CACNA1C: variants seen among roughly 807,000 people sequenced by gnomAD.
The protein encoded by CACNA1C is calcium voltage-gated channel subunit alpha1 C, also known as voltage-dependent L-type calcium channel subunit alpha-1C.
Under a neutral mutation model 229.0 loss-of-function variants are expected in CACNA1C, and 30 were observed. That is an observed-to-expected ratio of 0.13 (90% CI 0.10 to 0.18). The LOEUF (loss-of-function observed/expected upper bound fraction) is 0.18. Among genes scored for constraint, CACNA1C ranks in the 10% least tolerant of loss-of-function variants. CACNA1C has a pLI of 1.00. For synonymous variants in CACNA1C, 1,114 were observed against 1,132.5 expected (o/e 0.98, Z 0.33); for missense variants, 1,658 against 2,845.0 (o/e 0.58, Z 9.49).
At chr12:2,141,229 C>T (rs372557840) in intron 3 of CACNA1C, among the ~76,000 whole-genome samples, 6 of 151,142 alleles carry the variant, frequency 4.0e-5, no homozygotes, top group South Asian at 4.2e-4. Flanking sequence ...GTGAGTGTGA[C>T]GTTGGCAGGT....
intron 3 of CACNA1C, among the ~76,000 whole-genome samples, chr12:2,325,302 ACT>A (rs2096241994): frequency 1.3e-5 from 2 of 152,000 alleles, no homozygotes; most frequent in South Asian, 4.1e-4. Context: ...TATCCAAGAA[ACT>A]CTCTGATACA....
chr12:2,236,724 A>G (rs1336100252), intron 3 of CACNA1C, among the ~76,000 whole-genome samples: 1 of 152,206 alleles, frequency 6.6e-6, no homozygotes, highest in African/African-American at 2.4e-5. Context: ...CACCATGGCA[A>G]CTGCATCCTT....
Position 2,545,385 on chromosome 12 carries a change from C to T in CACNA1C, c.1391-4558C>T, listed in dbSNP as rs749039218. Among the ~76,000 whole-genome samples the T allele has an allele frequency of 3.3e-5, 5 of 152,098 alleles. No homozygotes were observed. The East Asian group carries it at 5.8e-4, about 18-fold the overall frequency. On this transcript the variant is annotated intron_variant, in intron 9 of 46. Coordinates refer to ENST00000399655, the MANE Select transcript of CACNA1C (RefSeq NM_000719.7). ...TTGATGGTGGCTCTCAATTGGTCAT[C>T]GTCAACTTCCCATGGCCTGCCATTA...
Position 2,608,185 on chromosome 12 carries a change from G to T in CACNA1C, c.3357-326G>T, listed in dbSNP as rs1272854778. The T allele has an allele frequency of 4.7e-6, 1 of 214,274 alleles. No individual in the cohort carries two copies. The highest frequency in any genetic ancestry group is 9.2e-6 in the Non-Finnish European group (1 of 108,682). 13.3% of individuals were successfully genotyped at this position (214,274 alleles called of 1,614,324 possible). ...CTCAATATTTACCAATATTTCCAGT[G>T]TTTTAAATCAATGTCCATGACTCAT... is the stretch of plus-strand genomic sequence containing the variant. On this transcript the variant is annotated intron_variant, in intron 26 of 46. Transcript: ENST00000399655. This position sits in a 1 kb window ranked among gnomAD's most constrained non-coding sequence, Gnocchi z 4.2.
intron 1 of CACNA1C, among the ~76,000 whole-genome samples, chr12:2,070,585 G>A (rs780303715): frequency 6.6e-6 from 1 of 152,176 alleles, no homozygotes; most frequent in Non-Finnish European, 1.5e-5. Flanking sequence ...TTCTTCAGCA[G>A]TTTAAAGATA....
In CACNA1C at chr12:2,633,717, G is replaced by A; in HGVS notation, c.3829-580G>A. 1 of 1,542,938 alleles carries A rather than the reference G, an allele frequency of 6.5e-7. No individual in the cohort carries two copies. The highest frequency in any genetic ancestry group is 9.0e-7 in the Non-Finnish European group (1 of 1,115,456). On this transcript the variant is annotated intron_variant, in intron 29 of 46. Transcript: ENST00000399655. This position sits in a 1 kb window ranked among gnomAD's most constrained non-coding sequence, Gnocchi z 5.8. The stretch of plus-strand genomic sequence containing the variant: ...GTCATTCTCAGTGAGACTAATGTGA[G>A]TATTACTCTGCCCTCCCCAGGAAAC...
chr12:2,287,941 A>G lies in CACNA1C; in HGVS notation c.478-161035A>G, dbSNP rs1442081734. The stretch of plus-strand genomic sequence containing the variant: ...CACATTCTCCAGGTGATTTTAACAT[A>G]TAGCTCTGGCTGAAAACGATTTCTG... On this transcript the variant is annotated intron_variant, in intron 3 of 46. Coordinates refer to ENST00000399655, the MANE Select transcript of CACNA1C (RefSeq NM_000719.7). This position sits in a 1 kb window ranked among gnomAD's most constrained non-coding sequence, Gnocchi z 4.6. The G allele has an allele frequency of 1.3e-5, 2 of 151,536 alleles. No homozygotes were observed. Among genetic ancestry groups the G allele is most frequent in the Non-Finnish European group, 2.9e-5 (2 of 67,954 alleles). 9.4% of individuals were successfully genotyped at this position (151,536 alleles called of 1,614,324 possible).
chr12:2,121,977 T>C (rs939073876), intron 3 of CACNA1C, among the ~76,000 whole-genome samples: 5 of 152,206 alleles, frequency 3.3e-5, no homozygotes, highest in African/African-American at 1.2e-4. Flanking sequence ...GGTCCTGAGA[T>C]GGCCACATGT....
chr12:2,207,220 C>T (rs545345044), intron 3 of CACNA1C, among the ~76,000 whole-genome samples: 2 of 152,320 alleles, frequency 1.3e-5, no homozygotes, highest in East Asian at 3.9e-4. Context: ...CGACCCATGA[C>T]ACACCTGGAC....
In CACNA1C at chr12:2,696,274, G is replaced by C. The variant is rs932854295; in HGVS notation, c.*5075G>C. ...TAACAAATCTGTTGCACGCTGAGAGGAGTCAGAATTAGCATTTTTCATGAA... is the reference window on the plus strand; with the variant it reads ...TAACAAATCTGTTGCACGCTGAGAGCAGTCAGAATTAGCATTTTTCATGAA... On this transcript the variant is annotated 3_prime_UTR_variant, in exon 47 of 47. Transcript: ENST00000399655. 1.3e-5 allele frequency: 2 copies of C among 152,136 alleles called. No homozygotes were observed. The highest frequency in any genetic ancestry group is 2.1e-4 in the South Asian group (1 of 4,830). The allele number at this position is 152,136 out of a possible 1,614,324, so 9.4% of individuals were successfully genotyped here.
At chr12:2,683,542 A>G (rs565933220) in intron 43 of CACNA1C, among the ~76,000 whole-genome samples, 2 of 152,176 alleles carry the variant, frequency 1.3e-5, no homozygotes, top group African/African-American at 2.4e-5. Context: ...TGTCATTTCA[A>G]TTTTGTAGAA....
intron 1 of CACNA1C, among the ~76,000 whole-genome samples, chr12:2,068,910 T>A (rs1312629559): frequency 6.6e-6 from 1 of 152,226 alleles, no homozygotes; most frequent in Non-Finnish European, 1.5e-5. Context: ...CGGAATGCAA[T>A]GTTTTCCTCT....
intron 3 of CACNA1C, among the ~76,000 whole-genome samples, chr12:2,209,787 G>C (rs936838270): frequency 1.3e-5 from 2 of 152,114 alleles, no homozygotes; most frequent in Non-Finnish European, 2.9e-5. Flanking sequence ...CTTTAAAATA[G>C]TAATTGCTTT....
chr12:2,163,981 C>T (rs753376525), intron 3 of CACNA1C, among the ~76,000 whole-genome samples: 18 of 152,136 alleles, frequency 1.2e-4, no homozygotes, highest in Non-Finnish European at 2.2e-4. Flanking sequence ...GGTTTGGCTG[C>T]GTAATTGGAA....
rs114107075 is a variant in CACNA1C, at chr12:2,100,745, G to A, written c.50-14479G>A. 4.8e-3 allele frequency among the ~76,000 whole-genome samples: 722 copies of A among 150,986 alleles called. 14 individuals carry two copies. The highest frequency in any genetic ancestry group is 5.4e-3 in the African/African-American group (223 of 41,110). ...TGCATTCCAGCCTGAGTGACAGAAC[G>A]AGACTGTCTCAAAAAAAGAAAAAAA... is the stretch of plus-strand genomic sequence containing the variant. On this transcript the variant is annotated intron_variant, in intron 1 of 46. Coordinates refer to ENST00000399655, the MANE Select transcript of CACNA1C (RefSeq NM_000719.7).
chr12:2,259,954 G>A (rs573884471), intron 3 of CACNA1C, among the ~76,000 whole-genome samples: 9 of 152,158 alleles, frequency 5.9e-5, no homozygotes, highest in South Asian at 4.2e-4. Context: ...GCTAAGTCCC[G>A]CTTTCTTGGG....
At chr12:2,579,309 A>T (rs533858024) in intron 13 of CACNA1C, among the ~76,000 whole-genome samples, 1 of 152,202 alleles carries the variant, frequency 6.6e-6, no homozygotes, top group South Asian at 2.1e-4. Flanking sequence ...CGCACAGAGG[A>T]TCTCTAGAGG....
chr12:2,514,361 AAAC>A (rs940912132), intron 9 of CACNA1C, among the ~76,000 whole-genome samples: 15 of 152,244 alleles, frequency 9.9e-5, no homozygotes, highest in African/African-American at 3.4e-4. Flanking sequence ...TAAAGCACAC[AAAC>A]AACAAGGGAC....
At chr12:2,083,077 A>G (rs910447414) in intron 1 of CACNA1C, among the ~76,000 whole-genome samples, 6 of 152,172 alleles carry the variant, frequency 3.9e-5, no homozygotes, top group Admixed American at 2.0e-4. Flanking sequence ...TGGCTTGAAC[A>G]TAGAAGGAAC....
Sources: gnomAD v4.1 joint callset for allele counts (sites outside exome capture counted in the v4.1 genomes callset) on GRCh38, gnomAD v4.1.1 for gene constraint, Gnocchi (gnomAD v3.1) non-coding constraint, MANE v1.5 for transcripts, NCBI Gene and HGNC (gene_info 2026-07-23, HGNC 2026-07-21) for gene names.